DCDC1: variants seen among roughly 807,000 people sequenced by gnomAD.
The protein encoded by DCDC1 is doublecortin domain containing 1.
A neutral mutation model predicts 178.3 loss-of-function variants in DCDC1; 200 were observed. The ratio of observed to expected loss-of-function variants is 1.12; its 90% confidence interval spans 1.00 to 1.26. The LOEUF (loss-of-function observed/expected upper bound fraction) is 1.26. Ranked by LOEUF, DCDC1 falls within the 50% of genes most tolerant of loss-of-function variation. The probability of loss-of-function intolerance (pLI) is 0.00; values close to 1 mark genes in which losing one functional copy is unlikely to be tolerated. For synonymous variants in DCDC1, 690 were observed against 604.8 expected (o/e 1.14, Z -2.07); for missense variants, 1,983 against 1,749.2 (o/e 1.13, Z -2.38).
At chr11:30,880,898 GCT>G (rs1208286784) in intron 37 of DCDC1, among the ~76,000 whole-genome samples, 1 of 152,072 alleles carries the variant, frequency 6.6e-6, no homozygotes, top group Non-Finnish European at 1.5e-5. Flanking sequence ...TTCAAATGAG[GCT>G]CTCAGTATTT....
chr11:31,172,870 A>G (rs1967434205), intron 9 of DCDC1, among the ~76,000 whole-genome samples: 1 of 152,182 alleles, frequency 6.6e-6, no homozygotes, highest in Admixed American at 6.5e-5. Flanking sequence ...AAGTGAACTC[A>G]TGCAGTTCAA....
intron 3 of DCDC1, among the ~76,000 whole-genome samples, chr11:31,327,390 A>T (rs2861449): frequency 6.6e-6 from 1 of 151,764 alleles, no homozygotes; most frequent in Non-Finnish European, 1.5e-5. Context: ...GGCTGGTCTC[A>T]AACTCCCGAC....
intron 32 of DCDC1, among the ~76,000 whole-genome samples, chr11:30,902,388 G>A (rs547656541): frequency 5.3e-5 from 8 of 152,180 alleles, no homozygotes; most frequent in South Asian, 2.1e-4. Flanking sequence ...CCAGCCTCCC[G>A]AATTGTGAGA....
chr11:31,169,044 T>C (rs1266961189), intron 9 of DCDC1, among the ~76,000 whole-genome samples: 2 of 152,096 alleles, frequency 1.3e-5, no homozygotes, highest in African/African-American at 4.8e-5. Flanking sequence ...CGTGGAACAC[T>C]AGGCAGCCAT....
At chr11:31,135,627 T>TACACAC (rs1318956899) in intron 10 of DCDC1, among the ~76,000 whole-genome samples, 3 of 152,172 alleles carry the variant, frequency 2.0e-5, no homozygotes, top group African/African-American at 7.2e-5. Flanking sequence ...GTATCAGATG[T>TACACAC]ACACACACAT....
chr11:30,910,126 T>C (rs1241792225), intron 28 of DCDC1, among the ~76,000 whole-genome samples: 2 of 152,220 alleles, frequency 1.3e-5, no homozygotes, highest in African/African-American at 4.8e-5. Context: ...ATTTTTATTA[T>C]TTTACATGAA....
chr11:31,082,672 A>G (rs1459284973), intron 17 of DCDC1, among the ~76,000 whole-genome samples: 2 of 152,140 alleles, frequency 1.3e-5, no homozygotes, highest in African/African-American at 4.8e-5. Flanking sequence ...ATACATTTAC[A>G]CATATATATG....
chr11:30,875,600 C>G (rs903704035), intron 38 of DCDC1, among the ~76,000 whole-genome samples: 13 of 151,898 alleles, frequency 8.6e-5, no homozygotes, highest in Admixed American at 8.5e-4. Context: ...TGGCACTCAG[C>G]ACACCTGGGC....
At chr11:31,321,942 G>T (rs1949386758) in intron 3 of DCDC1, among the ~76,000 whole-genome samples, 1 of 152,164 alleles carries the variant, frequency 6.6e-6, no homozygotes, top group Non-Finnish European at 1.5e-5. Context: ...AGGGGTTAGG[G>T]TCATGGAAAA....
chr11:31,217,766 T>C (rs969618031), intron 9 of DCDC1, among the ~76,000 whole-genome samples: 8 of 152,158 alleles, frequency 5.3e-5, no homozygotes, highest in Admixed American at 4.6e-4. Flanking sequence ...CCCACATGCA[T>C]GCTAATAAGA....
intron 3 of DCDC1, among the ~76,000 whole-genome samples, chr11:31,308,781 T>C (rs1292881033): frequency 6.6e-6 from 1 of 152,166 alleles, no homozygotes; most frequent in Non-Finnish European, 1.5e-5. Flanking sequence ...TTTTAATATA[T>C]TTGCAAATAT....
intron 6 of DCDC1, among the ~76,000 whole-genome samples, chr11:31,298,701 ATATAAT>A (rs1212402781): frequency 6.6e-6 from 1 of 152,224 alleles, no homozygotes; most frequent in Non-Finnish European, 1.5e-5. Flanking sequence ...TCTATCTACA[ATATAAT>A]TATATTTCCT....
intron 9 of DCDC1, among the ~76,000 whole-genome samples, chr11:31,217,941 A>G (rs998859818): frequency 2.0e-5 from 3 of 152,108 alleles, no homozygotes; most frequent in African/African-American, 4.8e-5. Flanking sequence ...AGTGTGTCCA[A>G]TCTGTTTTGG....
chr11:31,290,928 C>A (rs1947184679), intron 6 of DCDC1, 76 bp from the exon 7 acceptor site: 1 of 1,314,132 alleles, frequency 7.6e-7, no homozygotes, highest in Admixed American at 2.1e-5. Context: ...TTCCCTCCCT[C>A]TATTACCTGT....
chr11:31,238,175 A>G (rs1030932577), intron 9 of DCDC1, among the ~76,000 whole-genome samples: 9 of 152,080 alleles, frequency 5.9e-5, no homozygotes, highest in African/African-American at 2.2e-4. Context: ...ACTTGGGAAG[A>G]CATTTTCAGA....
At chr11:31,282,800 G>A (rs535536802) in intron 7 of DCDC1, among the ~76,000 whole-genome samples, 16 of 151,972 alleles carry the variant, frequency 1.1e-4, no homozygotes, top group South Asian at 6.2e-4. Context: ...CTTTTATTTC[G>A]AAGATTTTTT....
rs1344013679 is a variant in DCDC1 at position 30,864,411 on chromosome 11, T to C, written c.*962A>G. The C allele has an allele frequency of 6.6e-6, 1 of 152,264 alleles. No individual in the cohort carries two copies. The highest frequency in any genetic ancestry group is 1.5e-5 in the Non-Finnish European group (1 of 68,040). The allele number at this position is 152,264 out of a possible 1,614,324, so 9.4% of individuals were successfully genotyped here. ...TCATTTGCACAATTTCGAGAAGTGT[T>C]TCTTTCCTCTGAAAAGCAGAGAGGA... On this transcript the variant is annotated 3_prime_UTR_variant, in exon 39 of 39. Coordinates refer to ENST00000684477, the MANE Select transcript of DCDC1 (RefSeq NM_001387274.1).
At chr11:31,226,104 A>G (rs1014466291) in intron 9 of DCDC1, among the ~76,000 whole-genome samples, 1 of 152,010 alleles carries the variant, frequency 6.6e-6, no homozygotes, top group South Asian at 2.1e-4. Context: ...TTGGAATATA[A>G]TTTTCTCTTA....
intron 20 of DCDC1, among the ~76,000 whole-genome samples, chr11:31,023,404 A>G (rs964918696): frequency 6.6e-6 from 1 of 152,060 alleles, no homozygotes; most frequent in Non-Finnish European, 1.5e-5. Context: ...TGCCGTCTCA[A>G]TTCCATCCTG....
Sources: allele counts gnomAD v4.1 joint callset (sites outside exome capture counted in the v4.1 genomes callset), GRCh38; gene constraint gnomAD v4.1.1; transcripts MANE v1.5; gene names NCBI Gene and HGNC (gene_info 2026-07-23, HGNC 2026-07-21).